ZNF407: variants seen among roughly 807,000 people sequenced by gnomAD.
ZNF407 encodes zinc finger protein 407.
Under a neutral mutation model 131.2 loss-of-function variants are expected in ZNF407, and 17 were observed. The ratio of observed to expected loss-of-function variants is 0.13; its 90% CI spans 0.09 to 0.19. ZNF407 has a LOEUF of 0.19. ZNF407 is among the 10% of genes least tolerant of loss of function. The probability of loss-of-function intolerance (pLI) is 1.00; values close to 1 mark genes in which losing one functional copy is unlikely to be tolerated. For synonymous variants in ZNF407, 1,156 were observed against 1,062.0 expected (o/e 1.09, Z -1.72); for missense variants, 2,681 against 2,830.6 (o/e 0.95, Z 1.20).
chr18:74,816,982 CTTG>C (rs1051507989), intron 4 of ZNF407, among the ~76,000 whole-genome samples: 10 of 151,992 alleles, frequency 6.6e-5, no homozygotes, highest in Admixed American at 2.6e-4. Context: ...TGAATAAAAT[CTTG>C]TTGTTATTTT....
rs552746213 is a variant in ZNF407, at chr18:74,850,483, T to C, written c.4878-26714T>C. Among the ~76,000 whole-genome samples, 48 of 152,300 alleles carry C rather than the reference T, an allele frequency of 3.2e-4. 1 individual carries two copies. Among genetic ancestry groups the C allele is most frequent in the African/African-American group, 1.2e-3 (48 of 41,566 alleles). ...CTCTTTTCCTCCTTTCACTTGCCAG[T>C]ACGCCTGTTTCCGTACCCTACCTTA... is the stretch of plus-strand genomic sequence containing the variant. On this transcript the variant is annotated intron_variant, in intron 4 of 8. Coordinates refer to ENST00000299687, the MANE Select transcript of ZNF407 (RefSeq NM_017757.3).
At chr18:74,892,059 C>T (rs982482676) in intron 7 of ZNF407, among the ~76,000 whole-genome samples, 8 of 152,058 alleles carry the variant, frequency 5.3e-5, no homozygotes, top group Non-Finnish European at 7.4e-5. Context: ...ACAAATAAAA[C>T]AGAGAAAAGT....
At position 74,612,296 on chromosome 18, in the gene ZNF407, G is replaced by A. The variant is rs182093010; in HGVS notation, c.-54+14359G>A. ...TGGATAACTGTATAAGAAGGAAGGT[G>A]ATGGGAACACAGAGGGACAAATTAT... is the stretch of plus-strand genomic sequence containing the variant. On this transcript the variant is annotated intron_variant, in intron 1 of 8. Coordinates refer to ENST00000299687, the MANE Select transcript of ZNF407 (RefSeq NM_017757.3). Among the ~76,000 whole-genome samples, 610 of 152,226 alleles carry A rather than the reference G, an allele frequency of 4.0e-3. 5 individuals are homozygous for A. Among genetic ancestry groups the A allele is most frequent in the African/African-American group, 0.014 (569 of 41,524 alleles).
Position 74,985,815 on chromosome 18 carries a change from C to T in ZNF407, c.5428+65123C>T, listed in dbSNP as rs1972646166. Among the ~76,000 whole-genome samples the T allele has an allele frequency of 2.0e-5, 3 of 152,136 alleles. No homozygotes were observed. In the South Asian group the frequency reaches 6.2e-4, roughly 32 times the overall value. ...GTGAAACAGGAAGGAAGCAAATGGA[C>T]CCCGTGGCCTTCCTAACCTTAGACC... On this transcript the variant is annotated intron_variant, in intron 8 of 8. Coordinates refer to ENST00000299687, the MANE Select transcript of ZNF407 (RefSeq NM_017757.3).
intron 3 of ZNF407, among the ~76,000 whole-genome samples, chr18:74,725,773 G>A (rs1179170207): frequency 6.6e-6 from 1 of 152,096 alleles, no homozygotes. Context: ...CATTTGAGCA[G>A]GTGATGTTAT....
chr18:74,947,676 G>A (rs745964965), intron 8 of ZNF407, among the ~76,000 whole-genome samples: 2 of 151,806 alleles, frequency 1.3e-5, no homozygotes, highest in African/African-American at 2.4e-5. Flanking sequence ...TCCTGGCAAC[G>A]GTGCCAAGAT....
intron 4 of ZNF407, among the ~76,000 whole-genome samples, chr18:74,819,650 T>A (rs1970313805): frequency 6.6e-6 from 1 of 152,186 alleles, no homozygotes; most frequent in Non-Finnish European, 1.5e-5. Flanking sequence ...CCTCCCTGTG[T>A]CCTTTGGCTG....
intron 3 of ZNF407, among the ~76,000 whole-genome samples, chr18:74,761,030 G>A (rs1969083522): frequency 6.6e-6 from 1 of 152,084 alleles, no homozygotes; most frequent in African/African-American, 2.4e-5. Context: ...CTCTCATGGT[G>A]ATTATCTATT....
intron 3 of ZNF407, among the ~76,000 whole-genome samples, chr18:74,715,052 C>T (rs1967861557): frequency 1.3e-5 from 2 of 152,174 alleles, no homozygotes; most frequent in Admixed American, 1.3e-4. Flanking sequence ...AGTGCTTTTC[C>T]TTACAAAACC....
chr18:74,959,382 C>G (rs1033566424), intron 8 of ZNF407, among the ~76,000 whole-genome samples: 1 of 152,222 alleles, frequency 6.6e-6, no homozygotes, highest in Non-Finnish European at 1.5e-5. Flanking sequence ...ACTCTGGCTC[C>G]TAAGTCTCCT....
At chr18:75,044,804 T>G (rs562089163) in intron 8 of ZNF407, among the ~76,000 whole-genome samples, 1 of 152,344 alleles carries the variant, frequency 6.6e-6, no homozygotes, top group African/African-American at 2.4e-5. Flanking sequence ...TGTGTGTTGC[T>G]GTTTAAAATT....
intron 4 of ZNF407, among the ~76,000 whole-genome samples, chr18:74,789,962 G>A (rs1054935972): frequency 3.3e-5 from 5 of 149,508 alleles, no homozygotes; most frequent in African/African-American, 1.2e-4. Context: ...TTTATTTCAA[G>A]TCCCAGTCTG....
intron 8 of ZNF407, among the ~76,000 whole-genome samples, chr18:75,035,333 A>G (rs1317114110): frequency 1.3e-5 from 2 of 152,200 alleles, no homozygotes; most frequent in Non-Finnish European, 2.9e-5. Context: ...AAAGTGAGAT[A>G]CCTGTTAGAG....
At chr18:74,804,615 G>GCTGATTACTATAGCCAGTCTCTAAAA (rs1970080922) in intron 4 of ZNF407, 1 of 982,668 alleles carries the variant, frequency 1.0e-6, no homozygotes, top group Non-Finnish European at 1.2e-6. Flanking sequence ...TAATTAAAAT[G>GCTGATTACTATAGCCAGTCTCTAAAA]CTGATTACTA....
Position 74,877,110 on chromosome 18 carries a change from A to T in ZNF407, c.4878-87A>T, listed in dbSNP as rs1599214843. 3 of 1,167,644 alleles carry T rather than the reference A, an allele frequency of 2.6e-6. No individual in the cohort carries two copies. In the Admixed American group the frequency reaches 5.2e-5, roughly 20 times the overall value. 72.3% of individuals were successfully genotyped at this position (1,167,644 alleles called of 1,614,324 possible). ...CTCGCAGAGGCTGCGTGTGCACCGC[A>T]CCTCAGGGTTCGCACACGCGCTGCC... is the stretch of plus-strand genomic sequence containing the variant. On this transcript the variant is annotated intron_variant, in intron 4 of 8. Coordinates refer to ENST00000299687, the MANE Select transcript of ZNF407 (RefSeq NM_017757.3).
At chr18:74,829,922 T>C (rs1970459718) in intron 4 of ZNF407, among the ~76,000 whole-genome samples, 1 of 152,122 alleles carries the variant, frequency 6.6e-6, no homozygotes, top group African/African-American at 2.4e-5. Context: ...CTAATTCCCG[T>C]TGTGACTGTA....
intron 8 of ZNF407, among the ~76,000 whole-genome samples, chr18:74,966,011 TA>T (rs959183591): frequency 3.3e-5 from 5 of 152,344 alleles, no homozygotes; most frequent in African/African-American, 1.2e-4. Context: ...ATCAGATTAT[TA>T]GATTTTTTTC....
chr18:74,657,018 A>G (rs993789647), intron 3 of ZNF407, among the ~76,000 whole-genome samples: 7 of 147,822 alleles, frequency 4.7e-5, no homozygotes, highest in Non-Finnish European at 1.0e-4. Context: ...TTTTCTCCCT[A>G]TTGAGTTTGT....
At chr18:74,798,773 G>T (rs1367972226) in intron 4 of ZNF407, among the ~76,000 whole-genome samples, 1 of 151,996 alleles carries the variant, frequency 6.6e-6, no homozygotes. Flanking sequence ...TTTGTAACTA[G>T]GGAAAGATGA....
Sources: gnomAD v4.1 joint callset for allele counts (sites outside exome capture counted in the v4.1 genomes callset) on GRCh38, gnomAD v4.1.1 for gene constraint, MANE v1.5 for transcripts, NCBI Gene and HGNC (gene_info 2026-07-23, HGNC 2026-07-21) for gene names.